Variants in CYP19A1 observed in about 807,000 individuals in gnomAD.
The protein encoded by CYP19A1 is cytochrome P450 family 19 subfamily A member 1, also known as aromatase.
CYP19A1 carries 32 observed loss-of-function variants against 44.4 expected under a neutral mutation model. That is an observed-to-expected ratio of 0.72 (90% confidence interval 0.54 to 0.97). The LOEUF (loss-of-function observed/expected upper bound fraction) is 0.97, where lower values mean the gene tolerates loss of function less well. Among genes scored for constraint, CYP19A1 ranks in the 50% least tolerant of loss-of-function variants. The probability of loss-of-function intolerance (pLI) is 0.00; values close to 1 mark genes in which losing one functional copy is unlikely to be tolerated. For missense variants in CYP19A1, 598 were observed against 637.8 expected (o/e 0.94, Z 0.67); for synonymous variants, 212 against 215.6 (o/e 0.98, Z 0.14).
intron 1 of CYP19A1, among the ~76,000 whole-genome samples, chr15:51,308,334 C>G (rs893092483): frequency 1.3e-5 from 2 of 152,234 alleles, no homozygotes; most frequent in Admixed American, 1.3e-4. Flanking sequence ...CCCCAACTTA[C>G]CCTCCTGGTC....
chr15:51,285,482 A>C (rs1388039024), intron 1 of CYP19A1, among the ~76,000 whole-genome samples: 1 of 152,226 alleles, frequency 6.6e-6, no homozygotes, highest in Non-Finnish European at 1.5e-5. Flanking sequence ...GAGAAGGGGA[A>C]AATGTTGGGA....
At chr15:51,337,658 C>T (rs2036798814) in intron 1 of CYP19A1, among the ~76,000 whole-genome samples, 1 of 152,144 alleles carries the variant, frequency 6.6e-6, no homozygotes, top group Admixed American at 6.5e-5. Context: ...TTAAAGTGGG[C>T]AACACTGAAA....
chr15:51,314,716 A>G (rs1336658967), intron 1 of CYP19A1, among the ~76,000 whole-genome samples: 1 of 152,240 alleles, frequency 6.6e-6, no homozygotes, highest in African/African-American at 2.4e-5. Context: ...TCTTCTAGAA[A>G]GTCCTTCAAA....
At position 51,211,029 on chromosome 15, in the gene CYP19A1, C is replaced by A. The variant is rs1375525651; in HGVS notation, c.1291G>T (p.Gly431Cys). ...NVPYRYFQPFGFGPRGCAGKY... is the reference protein window; with the variant it reads ...NVPYRYFQPFCFGPRGCAGKY... ...CCTGCACAGCCACGGGGCCCAAAGC[C>A]AAATGGCTGAAAGTACCTATAAGGA... Residue 431 changes from glycine (G) to cysteine (C), a missense_variant, in exon 10 of 10, where the codon GGC becomes TGC. Physicochemically the swap from Gly to Cys is radical, Grantham distance 159. Coordinates refer to ENST00000396402, the MANE Select transcript of CYP19A1 (RefSeq NM_000103.4). The A allele has an allele frequency of 4.4e-6, 7 of 1,591,722 alleles. No individual in the cohort carries two copies. Among genetic ancestry groups the A allele is most frequent in the Non-Finnish European group, 6.0e-6 (7 of 1,159,856 alleles).
At chr15:51,248,449 G>C (rs549210415) in intron 1 of CYP19A1, among the ~76,000 whole-genome samples, 2 of 152,246 alleles carry the variant, frequency 1.3e-5, no homozygotes, top group East Asian at 3.9e-4. Flanking sequence ...TCAGCCATAG[G>C]GAACTCACCA....
chr15:51,270,072 T>C (rs1303611235), intron 1 of CYP19A1, among the ~76,000 whole-genome samples: 1 of 152,250 alleles, frequency 6.6e-6, no homozygotes, highest in African/African-American at 2.4e-5. Flanking sequence ...ACGAACGTGA[T>C]ATATCTCACC....
At position 51,208,144 on chromosome 15, in the gene CYP19A1, G is replaced by T. The variant is rs903363488; in HGVS notation, c.*2664C>A. The T allele has an allele frequency of 3.9e-5, 6 of 152,144 alleles. No homozygotes were observed. Among genetic ancestry groups the T allele is most frequent in the African/African-American group, 1.2e-4 (5 of 41,446 alleles). The allele number at this position is 152,144 out of a possible 1,614,324, so 9.4% of individuals were successfully genotyped here. On this transcript the variant is annotated 3_prime_UTR_variant, in exon 10 of 10. Transcript: ENST00000396402. The stretch of plus-strand genomic sequence containing the variant: ...AGCCCAGCTGATATAGATTGAAAAG[G>T]GTCCCTCTATCCTTCAGTGGGCCAA...
intron 1 of CYP19A1, among the ~76,000 whole-genome samples, chr15:51,309,593 T>C (rs2036275253): frequency 1.3e-5 from 2 of 152,228 alleles, no homozygotes; most frequent in African/African-American, 4.8e-5. Context: ...AAGAAGACTG[T>C]TAAAAACAGG....
intron 1 of CYP19A1, among the ~76,000 whole-genome samples, chr15:51,288,707 G>A (rs192150665): frequency 2.0e-5 from 3 of 152,124 alleles, no homozygotes; most frequent in Non-Finnish European, 2.9e-5. Flanking sequence ...CTTGTTAAAC[G>A]CAGACTGTTC....
chr15:51,294,947 A>G (rs1473338400), intron 1 of CYP19A1, among the ~76,000 whole-genome samples: 1 of 151,628 alleles, frequency 6.6e-6, no homozygotes, highest in Non-Finnish European at 1.5e-5. Context: ...AGAGGTAGAC[A>G]TGGGAGACTT....
chr15:51,262,778 T>C (rs1004050447), intron 1 of CYP19A1, among the ~76,000 whole-genome samples: 7 of 152,210 alleles, frequency 4.6e-5, no homozygotes, highest in Admixed American at 1.3e-4. Flanking sequence ...GAAAATTTCA[T>C]GATACTTGCT....
intron 1 of CYP19A1, among the ~76,000 whole-genome samples, chr15:51,261,282 G>T (rs144694882): frequency 6.6e-6 from 1 of 152,148 alleles, no homozygotes; most frequent in African/African-American, 2.4e-5. Flanking sequence ...ACAACAAAAG[G>T]CTTGCCACCA....
rs1185805441 is a variant in CYP19A1, at chr15:51,285,557, C to T, written c.-38-42607G>A. Among the ~76,000 whole-genome samples the T allele has an allele frequency of 2.0e-5, 3 of 152,152 alleles. No individual in the cohort carries two copies. The East Asian group carries it at 5.8e-4, about 29-fold the overall frequency. ...CATGTCTGACATAATGTCCAGGGCT[C>T]GGCGCATAAAACCCCTCGTGGCCTC... is the stretch of plus-strand genomic sequence containing the variant. On this transcript the variant is annotated intron_variant, in intron 1 of 9. Transcript: ENST00000396402.
intron 2 of CYP19A1, among the ~76,000 whole-genome samples, chr15:51,240,761 T>TGGGCTTTAGAATGTA (rs1162622130): frequency 2.0e-5 from 3 of 152,232 alleles, no homozygotes; most frequent in Non-Finnish European, 4.4e-5. Context: ...TAGGACTTCC[T>TGGGCTTTAGAATGTA]GGTGGTCCCC....
chr15:51,264,780 G>A (rs927933259), intron 1 of CYP19A1, among the ~76,000 whole-genome samples: 1 of 152,152 alleles, frequency 6.6e-6, no homozygotes, highest in African/African-American at 2.4e-5. Context: ...ACCTCTCAGT[G>A]AAGTCTGATG....
At chr15:51,242,594 G>A (rs1470062951) in intron 2 of CYP19A1, among the ~76,000 whole-genome samples, 174 bp downstream of exon 2, 1 of 152,134 alleles carries the variant, frequency 6.6e-6, no homozygotes, top group Non-Finnish European at 1.5e-5. Context: ...TTTAAAATGT[G>A]CAGATAATTG....
At chr15:51,222,089 A>C (rs369755105) in intron 5 of CYP19A1, 2 of 613,564 alleles carry the variant, frequency 3.3e-6, no homozygotes, top group South Asian at 2.2e-5. Context: ...TTAAGTTTCA[A>C]CTGTGGGTAG....
chr15:51,288,457 G>T (rs555808295), intron 1 of CYP19A1, among the ~76,000 whole-genome samples: 1 of 152,152 alleles, frequency 6.6e-6, no homozygotes, highest in African/African-American at 2.4e-5. Context: ...GAAACCTGGA[G>T]TCTTGCACCT....
At chr15:51,221,205 A>G (rs143077484) in intron 5 of CYP19A1, among the ~76,000 whole-genome samples, 12 of 152,336 alleles carry the variant, frequency 7.9e-5, no homozygotes, top group African/African-American at 2.9e-4. Context: ...CATTATGTCA[A>G]CTGTATAAAT....
Sources: gnomAD v4.1 joint callset for allele counts (sites outside exome capture counted in the v4.1 genomes callset) on GRCh38, gnomAD v4.1.1 for gene constraint, MANE v1.5 for transcripts, NCBI Gene and HGNC (gene_info 2026-07-23, HGNC 2026-07-21) for gene names.